Variants in IGSF10 observed in about 807,000 individuals in gnomAD.
IGSF10 encodes the protein immunoglobulin superfamily member 10, also known as calvaria mechanical force protein 608.
In IGSF10, 126 loss-of-function variants were observed where a neutral mutation model predicts 128.2. The observed-to-expected ratio is 0.98, with a 90% CI of 0.85 to 1.14. The LOEUF is 1.14. IGSF10 is among the 50% of genes most tolerant of loss of function. IGSF10 has a pLI of 0.00. For missense variants in IGSF10, 3,295 were observed against 3,149.8 expected, an observed-to-expected ratio of 1.05 and a Z score of -1.10; for synonymous variants, 1,185 against 1,146.2, an observed-to-expected ratio of 1.03 and a Z score of -0.68.
At chr3:151,490,788 C>T in the IGSF10 span, among the ~76,000 whole-genome samples, 2 of 151,848 alleles carry the variant, frequency 1.3e-5, no homozygotes, top group Non-Finnish European at 2.9e-5. Flanking sequence ...AATAAGTCAA[C>T]AAATAAATCA....
At position 151,445,691 on chromosome 3, in the gene IGSF10, C is replaced by G; in HGVS notation, c.4290G>C (p.Gln1430His). Residue 1430 changes from glutamine to histidine, a missense_variant, in exon 6 of 8, where the codon CAG becomes CAC. Physicochemically the swap from Gln to His is conservative, Grantham distance 24. Transcript: ENST00000282466. ...VIEELAQAST[Q>H]TLKSTIASET... ...CAGAAGCAATTGTGCTCTTCAAAGT[C>G]TGAGTACTTGCTTGGGCTAGTTCTT... The G allele has an allele frequency of 6.2e-7, 1 of 1,614,212 alleles. No individual in the cohort carries two copies. The highest frequency in any genetic ancestry group is 8.5e-7 in the Non-Finnish European group (1 of 1,180,034).
In IGSF10 at chr3:151,445,465, G is replaced by A. The variant is rs771566476; in HGVS notation, c.4516C>T (p.His1506Tyr). 3 of 1,614,066 alleles carry A rather than the reference G, an allele frequency of 1.9e-6. No homozygotes were observed. Among genetic ancestry groups the A allele is most frequent in the Non-Finnish European group, 1.7e-6 (2 of 1,180,046 alleles). Residue 1506 changes from histidine to tyrosine, a missense_variant, in exon 6 of 8, where the codon CAC becomes TAC. Coordinates refer to ENST00000282466, the MANE Select transcript of IGSF10 (RefSeq NM_178822.5). ...GLMTNTVVKLHESSRHNAKPQ... is the reference protein window; with the variant it reads ...GLMTNTVVKLYESSRHNAKPQ... ...TTAGCATTGTGCCTTGAGGATTCGT[G>A]CAGCTTGACCACTGTATTTGTCATA...
At chr3:151,432,848 A>C (rs1393007066), downstream of IGSF10, 1 of 1,505,588 alleles carries the variant, frequency 6.6e-7, no homozygotes, top group Non-Finnish European at 9.1e-7. Flanking sequence ...TTGCACTGAA[A>C]AACAGAAAAT....
the IGSF10 span, among the ~76,000 whole-genome samples, chr3:151,592,774 A>G: frequency 6.6e-6 from 1 of 152,192 alleles, no homozygotes; most frequent in South Asian, 2.1e-4. Flanking sequence ...TGCACATTTT[A>G]AGTGCTCTCA....
At chr3:151,517,836 C>G in the IGSF10 span, among the ~76,000 whole-genome samples, 1 of 151,886 alleles carries the variant, frequency 6.6e-6, no homozygotes, top group Non-Finnish European at 1.5e-5. Flanking sequence ...CTAGAACAGA[C>G]TGGGTTTTGC....
the IGSF10 span, among the ~76,000 whole-genome samples, chr3:151,503,109 C>T: frequency 6.6e-6 from 1 of 152,134 alleles, no homozygotes; most frequent in South Asian, 2.1e-4. Context: ...TGAACCTGAA[C>T]TAAAGGGTCC....
At chr3:151,520,494 G>T in the IGSF10 span, among the ~76,000 whole-genome samples, 1 of 151,536 alleles carries the variant, frequency 6.6e-6, no homozygotes, top group Non-Finnish European at 1.5e-5. Flanking sequence ...ATACATTCAT[G>T]ATATTCCAAA....
At chr3:151,580,801 GA>G in the IGSF10 span, among the ~76,000 whole-genome samples, 5 of 152,148 alleles carry the variant, frequency 3.3e-5, no homozygotes, top group Non-Finnish European at 5.9e-5. Flanking sequence ...CCTTACAGAA[GA>G]AAGAACTAAA....
the IGSF10 span, among the ~76,000 whole-genome samples, chr3:151,545,181 G>A: frequency 6.6e-6 from 1 of 151,630 alleles, no homozygotes; most frequent in Non-Finnish European, 1.5e-5. Context: ...TTTTTTCTGG[G>A]CTTGATTTTC....
chr3:151,452,371 AGT>A (rs1721551930), intron 5 of IGSF10, among the ~76,000 whole-genome samples: 1 of 152,208 alleles, frequency 6.6e-6, no homozygotes, highest in South Asian at 2.1e-4. Flanking sequence ...AGACCCATAC[AGT>A]GTATTACTCT....
intron 2 of IGSF10, 75 bp from the exon 3 acceptor site, chr3:151,458,785 G>A (rs1394680462): frequency 1.6e-6 from 2 of 1,256,260 alleles, no homozygotes; most frequent in Non-Finnish European, 2.2e-6. Flanking sequence ...ACTCACTCTG[G>A]GAATCTGGGA....
At chr3:151,452,872 G>C (rs1261877140) in intron 5 of IGSF10, among the ~76,000 whole-genome samples, 1 of 151,980 alleles carries the variant, frequency 6.6e-6, no homozygotes, top group Non-Finnish European at 1.5e-5. Context: ...CAGTTTGCTG[G>C]CTGGCTGAGA....
the IGSF10 span, among the ~76,000 whole-genome samples, chr3:151,582,000 A>G: frequency 6.6e-6 from 1 of 152,136 alleles, no homozygotes; most frequent in Admixed American, 6.5e-5. Context: ...CGGGAGGCAG[A>G]GGTTGCAGTG....
At chr3:151,584,072 T>G in the IGSF10 span, among the ~76,000 whole-genome samples, 1 of 152,244 alleles carries the variant, frequency 6.6e-6, no homozygotes, top group African/African-American at 2.4e-5. Context: ...GTTGTGGATT[T>G]GTGTATTCCA....
the IGSF10 span, among the ~76,000 whole-genome samples, chr3:151,538,491 G>A: frequency 1.3e-5 from 2 of 152,184 alleles, no homozygotes; most frequent in Non-Finnish European, 2.9e-5. Flanking sequence ...TAGAAGAAAC[G>A]TAAGACCACA....
chr3:151,522,230 G>A, the IGSF10 span, among the ~76,000 whole-genome samples: 1 of 152,014 alleles, frequency 6.6e-6, no homozygotes, highest in Non-Finnish European at 1.5e-5. Flanking sequence ...AAAATCCCAG[G>A]ACCTGATGGC....
chr3:151,618,410 G>A, the IGSF10 span, among the ~76,000 whole-genome samples: 1 of 152,170 alleles, frequency 6.6e-6, no homozygotes, highest in Non-Finnish European at 1.5e-5. Context: ...AAACTATTTA[G>A]TAATGGACAT....
intron 7 of IGSF10, among the ~76,000 whole-genome samples, chr3:151,439,479 T>A (rs2108531292): frequency 1.3e-5 from 2 of 152,276 alleles, no homozygotes; most frequent in African/African-American, 4.8e-5. Flanking sequence ...CTGAGCATGA[T>A]GGCACATGCC....
the IGSF10 span, among the ~76,000 whole-genome samples, chr3:151,590,512 A>G: frequency 6.6e-6 from 1 of 152,202 alleles, no homozygotes; most frequent in Admixed American, 6.5e-5. Context: ...GATAACATTT[A>G]GTGGAGTGCA....
Sources: gnomAD v4.1 joint callset for allele counts (sites outside exome capture counted in the v4.1 genomes callset) on GRCh38, gnomAD v4.1.1 for gene constraint, MANE v1.5 for transcripts, NCBI Gene and HGNC (gene_info 2026-07-23, HGNC 2026-07-21) for gene names.